Variants in PALLD observed in about 807,000 individuals in gnomAD.
The protein encoded by PALLD is palladin.
A neutral mutation model predicts 123.5 loss-of-function variants in PALLD; 61 were observed. The ratio of observed to expected loss-of-function variants is 0.49; its 90% CI spans 0.40 to 0.61. PALLD has a LOEUF of 0.61. Among genes scored for constraint, PALLD ranks in the 20% least tolerant of loss-of-function variants. The probability of loss-of-function intolerance (pLI) is 0.00; values close to 1 mark genes in which losing one functional copy is unlikely to be tolerated. For synonymous variants in PALLD, 465 were observed against 496.4 expected (o/e 0.94, Z 0.84); for missense variants, 1,273 against 1,377.0 (o/e 0.92, Z 1.20).
intron 8 of PALLD, among the ~76,000 whole-genome samples, chr4:168,707,765 C>G (rs150196275): frequency 3.9e-5 from 6 of 152,160 alleles, no homozygotes; most frequent in African/African-American, 7.2e-5. Flanking sequence ...GTACAATACA[C>G]GGTCTTATGC....
intron 10 of PALLD, among the ~76,000 whole-genome samples, chr4:168,847,451 G>A (rs1237050686): frequency 2.0e-5 from 3 of 152,202 alleles, no homozygotes; most frequent in Non-Finnish European, 4.4e-5. Flanking sequence ...GAGGGAAAAT[G>A]TGCATATGCT....
intron 2 of PALLD, among the ~76,000 whole-genome samples, chr4:168,623,040 C>T (rs1210857013): frequency 2.6e-5 from 4 of 152,184 alleles, no homozygotes; most frequent in African/African-American, 9.7e-5. Flanking sequence ...GACACTCTGT[C>T]CTTTGAGCCT....
At chr4:168,829,843 G>T (rs1045982755) in intron 10 of PALLD, among the ~76,000 whole-genome samples, 5 of 152,182 alleles carry the variant, frequency 3.3e-5, no homozygotes, top group Admixed American at 1.3e-4. Flanking sequence ...ACAATGAATT[G>T]TTGGTCTATC....
intron 2 of PALLD, chr4:168,598,686 A>G: frequency 2.8e-6 from 1 of 353,722 alleles, no homozygotes; most frequent in Middle Eastern, 8.4e-4. Flanking sequence ...GTAACTCTCT[A>G]GGTTCCACCT....
intron 19 of PALLD, among the ~76,000 whole-genome samples, chr4:168,924,652 C>CT (rs1762227317): frequency 6.6e-6 from 1 of 152,124 alleles, no homozygotes; most frequent in Non-Finnish European, 1.5e-5. Context: ...GTTTATCATT[C>CT]TATCTAAAAG....
chr4:168,574,197 T>C (rs1405062672), intron 2 of PALLD, among the ~76,000 whole-genome samples: 1 of 152,122 alleles, frequency 6.6e-6, no homozygotes, highest in Admixed American at 6.6e-5. Flanking sequence ...AGAAACTTAT[T>C]TTGGATATCC....
chr4:168,810,488 C>G (rs1429729394), intron 10 of PALLD, among the ~76,000 whole-genome samples: 1 of 152,062 alleles, frequency 6.6e-6, no homozygotes, highest in Non-Finnish European at 1.5e-5. Flanking sequence ...AACCCCGTCT[C>G]TACTAAAACT....
chr4:168,818,104 A>G (rs1742230502), intron 10 of PALLD, among the ~76,000 whole-genome samples: 2 of 152,232 alleles, frequency 1.3e-5, no homozygotes, highest in Non-Finnish European at 2.9e-5. Context: ...TATAAACTCT[A>G]TTGAATAAGC....
chr4:168,733,971 G>T (rs1242464251), intron 10 of PALLD, among the ~76,000 whole-genome samples: 1 of 152,136 alleles, frequency 6.6e-6, no homozygotes, highest in Non-Finnish European at 1.5e-5. Flanking sequence ...TCCTGACCTC[G>T]TGATCTGCCC....
intron 10 of PALLD, among the ~76,000 whole-genome samples, chr4:168,783,739 G>A (rs1736282735): frequency 6.6e-6 from 1 of 152,176 alleles, no homozygotes; most frequent in Admixed American, 6.5e-5. Context: ...AATAAATGCT[G>A]GAGGTAGAGG....
chr4:168,590,139 A>T (rs1324766512), intron 2 of PALLD, among the ~76,000 whole-genome samples: 1 of 152,232 alleles, frequency 6.6e-6, no homozygotes, highest in Non-Finnish European at 1.5e-5. Context: ...GGAGTTTGAG[A>T]CCAGCCTGGC....
intron 3 of PALLD, among the ~76,000 whole-genome samples, chr4:168,679,238 TGGG>T (rs1781248765): frequency 2.2e-5 from 1 of 45,274 alleles, no homozygotes; most frequent in African/African-American, 9.2e-5. Flanking sequence ...GTGGTGTGTG[TGGG>T]GTGTGTGTGT....
rs1351963891 is a variant in PALLD, at chr4:168,915,935, C to A, written c.2758C>A (p.Pro920Thr). The A allele has an allele frequency of 6.2e-7, 1 of 1,613,100 alleles. No homozygotes were observed. The highest frequency in any genetic ancestry group is 1.7e-5 in the Admixed American group (1 of 60,028). ...RSRDSGDENE[P>T]IQERFFRPHF... ...AAGGGACAGTGGAGACGAAAATGAA[C>A]CAATTCAGGAGCGATTCTTCAGACC... is the stretch of plus-strand genomic sequence containing the variant. The change falls in exon 17 of 22, where the codon CCA becomes ACA. Residue 920 changes from proline to threonine, a missense_variant. This residue lies in a region of PALLD where 329 missense variants were observed against 422.5 expected (regional missense o/e 0.78). Coordinates refer to ENST00000505667, the MANE Select transcript of PALLD (RefSeq NM_001166108.2).
At chr4:168,697,591 C>T (rs560224168) in intron 8 of PALLD, among the ~76,000 whole-genome samples, 13 of 152,312 alleles carry the variant, frequency 8.5e-5, no homozygotes, top group African/African-American at 3.1e-4. Flanking sequence ...CTGCTCTCCC[C>T]TCCATGGACT....
Position 168,891,021 on chromosome 4 carries a change from T to A in PALLD, c.2064T>A (p.Leu688=). The change falls in exon 11 of 22, where the codon CTT becomes CTA. Residue 688 remains leucine, a synonymous_variant. Transcript: ENST00000505667. ...DAVIQDLERK[L]RFKEDLLNNG... is the part of the protein sequence containing the mutation. ...TTATTCAAGACCTGGAACGAAAACT[T>A]CGCTTCAAGGAGGACCTCCTGAACA... 6.2e-7 allele frequency: 1 copy of A among 1,614,142 alleles called. No homozygotes were observed. The highest frequency in any genetic ancestry group is 8.5e-7 in the Non-Finnish European group (1 of 1,180,004).
chr4:168,512,488 T>C, intron 2 of PALLD, 76 bp downstream of exon 2: 2 of 1,342,696 alleles, frequency 1.5e-6, no homozygotes, highest in Non-Finnish European at 2.1e-6. Flanking sequence ...GGAAGAAAGA[T>C]TTCCTGTGTC....
intron 3 of PALLD, among the ~76,000 whole-genome samples, chr4:168,668,835 T>C (rs903355769): frequency 6.6e-6 from 1 of 152,226 alleles, no homozygotes; most frequent in Non-Finnish European, 1.5e-5. Context: ...AAATGTATTA[T>C]AAACTTGCAA....
At chr4:168,913,832 A>C in intron 15 of PALLD, 95 bp from the exon 16 acceptor site, 1 of 877,758 alleles carries the variant, frequency 1.1e-6, no homozygotes. Context: ...TTTTTATGAA[A>C]TAATGTCTTA....
intron 10 of PALLD, among the ~76,000 whole-genome samples, chr4:168,849,799 T>C (rs888333356): frequency 1.2e-4 from 18 of 151,782 alleles, no homozygotes; most frequent in South Asian, 4.1e-4. Context: ...ACTGGCACTA[T>C]TGAGATTCAC....
Sources: allele counts gnomAD v4.1 joint callset (sites outside exome capture counted in the v4.1 genomes callset), GRCh38; gene constraint gnomAD v4.1.1; regional missense constraint gnomAD v4.1.1; transcripts MANE v1.5; gene names NCBI Gene and HGNC (gene_info 2026-07-23, HGNC 2026-07-21).